The following TGIF1 variants were observed in gnomAD, a reference collection of about 807,000 sequenced individuals.
The protein encoded by TGIF1 is TGFB induced factor homeobox 1.
TGIF1 carries 4 observed loss-of-function variants against 19.3 expected under a neutral mutation model. That is an observed-to-expected ratio of 0.21 (90% CI 0.10 to 0.47). The LOEUF is 0.47. Ranked by LOEUF, TGIF1 falls within the 20% of genes least tolerant of loss-of-function variation. The probability of loss-of-function intolerance (pLI) is 0.98; values close to 1 mark genes in which losing one functional copy is unlikely to be tolerated. For synonymous variants in TGIF1, 122 were observed against 129.3 expected, an observed-to-expected ratio of 0.94 and a Z score of 0.38; for missense variants, 275 against 341.4, an observed-to-expected ratio of 0.81 and a Z score of 1.53.
intron 1 of TGIF1, among the ~76,000 whole-genome samples, chr18:3,450,909 G>T (rs2082898272): frequency 1.3e-5 from 2 of 152,102 alleles, no homozygotes; most frequent in Admixed American, 1.3e-4. Context: ...TCCGGACCCA[G>T]GCGGCCGGGG....
intron 1 of TGIF1, among the ~76,000 whole-genome samples, chr18:3,417,724 A>C: frequency 6.6e-6 from 1 of 152,236 alleles, no homozygotes; most frequent in East Asian, 1.9e-4. Context: ...GGAATTATTA[A>C]GAAATATGTT....
intron 2 of TGIF1, among the ~76,000 whole-genome samples, chr18:3,444,286 C>CT (rs57205118): frequency 0.48 from 58,195 of 121,830 alleles, 13,328 homozygotes; most frequent in Admixed American, 0.62. Context: ...ACTTTCTTTT[C>CT]TTTTTTTTTT....
chr18:3,450,061 C>T (rs1598892510), upstream of TGIF1: 1 of 1,014,776 alleles, frequency 9.9e-7, no homozygotes. Flanking sequence ...CCAGTCTTCC[C>T]GGCTGGAAGG....
chr18:3,420,735 A>G (rs2082389087), intron 2 of TGIF1, among the ~76,000 whole-genome samples: 1 of 152,240 alleles, frequency 6.6e-6, no homozygotes, highest in African/African-American at 2.4e-5. Context: ...ATCTCCTGCA[A>G]TATCTTGGAA....
intron 1 of TGIF1, among the ~76,000 whole-genome samples, chr18:3,414,259 A>G (rs1448426012): frequency 2.0e-5 from 3 of 152,226 alleles, no homozygotes; most frequent in Non-Finnish European, 1.5e-5. Flanking sequence ...GGATATGAGT[A>G]TATGATGCTG....
intron 2 of TGIF1, among the ~76,000 whole-genome samples, chr18:3,436,947 A>C (rs1403891369): frequency 1.3e-5 from 2 of 151,518 alleles, no homozygotes; most frequent in Admixed American, 1.3e-4. Context: ...TCTACTAAAA[A>C]TACAAAAATT....
In TGIF1 at chr18:3,422,125, C is replaced by T. The variant is rs944765779; in HGVS notation, c.-45+3910C>T. ...AGGAGAATCGCTTGAACCTGGGAGG[C>T]GGAGATTGCAGTGAGCAGAGATGGC... On this transcript the variant is annotated intron_variant, in intron 2 of 3. Transcript: ENST00000401449. Among the ~76,000 whole-genome samples, 6 of 145,512 alleles carry T rather than the reference C, an allele frequency of 4.1e-5. No individual in the cohort carries two copies. In the South Asian group the frequency reaches 1.3e-3, roughly 33 times the overall value.
chr18:3,451,350 G>A lies in TGIF1; in HGVS notation c.16+845G>A. 3 of 985,238 alleles carry A rather than the reference G, an allele frequency of 3.0e-6. No individual in the cohort carries two copies. The highest frequency in any genetic ancestry group is 3.6e-6 in the Non-Finnish European group (3 of 829,892). The allele number at this position is 985,238 out of a possible 1,614,324, so 61.0% of individuals were successfully genotyped here. A position where few individuals can be genotyped will look rare whatever the true frequency, so the allele number is the denominator to read the frequency against. On this transcript the variant is annotated intron_variant, in intron 1 of 2. Coordinates refer to ENST00000343820, the MANE Select transcript of TGIF1 (RefSeq NM_003244.4). This position sits in a 1 kb window ranked among gnomAD's most constrained non-coding sequence, Gnocchi z 5.4. The stretch of plus-strand genomic sequence containing the variant: ...TTAAAAACAAAATACACCGGAGGGG[G>A]ACGGGGGGTGGAGAAACCACACAAA...
rs1395095669 is a variant in TGIF1, at chr18:3,451,124, A to G, written c.16+619A>G. Among the ~76,000 whole-genome samples, 1 of 151,302 alleles carries G rather than the reference A, an allele frequency of 6.6e-6. No homozygotes were observed. Among genetic ancestry groups the G allele is most frequent in the Non-Finnish European group, 1.5e-5 (1 of 67,710 alleles). On this transcript the variant is annotated intron_variant, in intron 1 of 2. Coordinates refer to ENST00000343820, the MANE Select transcript of TGIF1 (RefSeq NM_003244.4). This position sits in a 1 kb window ranked among gnomAD's most constrained non-coding sequence, Gnocchi z 5.4. ...GAAAGCTAGACTTTTACAAATCCCCAGTCTCTAAAAGTTTTCCCACGATGA... is the reference window on the plus strand; with the variant it reads ...GAAAGCTAGACTTTTACAAATCCCCGGTCTCTAAAAGTTTTCCCACGATGA...
chr18:3,435,673 T>C (rs1174958657), intron 2 of TGIF1, among the ~76,000 whole-genome samples: 1 of 152,214 alleles, frequency 6.6e-6, no homozygotes, highest in Non-Finnish European at 1.5e-5. Flanking sequence ...TTGCTATTCC[T>C]TCTGTAGCTG....
intron 2 of TGIF1, among the ~76,000 whole-genome samples, chr18:3,438,199 G>T (rs149697535): frequency 6.6e-6 from 1 of 152,086 alleles, no homozygotes; most frequent in Non-Finnish European, 1.5e-5. Flanking sequence ...AGTTGAAAGC[G>T]CAGTGAACCT....
intron 1 of TGIF1, chr18:3,455,091 C>T (rs1396254427): frequency 6.6e-6 from 1 of 151,848 alleles, no homozygotes; most frequent in African/African-American, 2.4e-5. Flanking sequence ...AAATGCTTAC[C>T]TTTACATTTT....
chr18:3,457,719 A>G lies in TGIF1; in HGVS notation c.598A>G (p.Ile200Val). The G allele has an allele frequency of 6.2e-7, 1 of 1,614,250 alleles. No individual in the cohort carries two copies. The highest frequency in any genetic ancestry group is 8.5e-7 in the Non-Finnish European group (1 of 1,180,038). The change falls in exon 3 of 3, where the codon ATA (isoleucine) becomes GTA (valine). Residue 200 changes from isoleucine (I) to valine (V), a missense_variant. By Grantham distance (29) the Ile-to-Val change is conservative. Coordinates refer to ENST00000343820, the MANE Select transcript of TGIF1 (RefSeq NM_003244.4). The surrounding 1 kb of genome is among the most constrained non-coding windows in gnomAD (Gnocchi z 4.9). ...GGTCGGTGTGGGACAAAACACAGAT[A>G]TACAGCAGATAGCGGCCAAAAACTT... ...QSVGVGQNTD[I>V]QQIAAKNFTD...
In TGIF1 at chr18:3,457,762, T is replaced by G. The variant is rs756542823; in HGVS notation, c.641T>G (p.Met214Arg). 3.1e-6 allele frequency: 5 copies of G among 1,614,170 alleles called. No individual in the cohort carries two copies. In the South Asian group the frequency reaches 5.5e-5, roughly 18 times the overall value. The stretch of plus-strand genomic sequence containing the variant: ...AAAAACTTCACAGACACCTCTCTCA[T>G]GTACCCAGAGGACACTTGTAAATCT... Reference protein sequence around the residue: ...AAKNFTDTSLMYPEDTCKSGP... With the variant: ...AAKNFTDTSLRYPEDTCKSGP... Residue 214 changes from methionine to arginine, a missense_variant, in exon 3 of 3, where the codon ATG (methionine) becomes AGG (arginine). Coordinates refer to ENST00000343820, the MANE Select transcript of TGIF1 (RefSeq NM_003244.4). This position sits in a 1 kb window ranked among gnomAD's most constrained non-coding sequence, Gnocchi z 4.9.
chr18:3,434,753 C>T (rs1193161592), intron 2 of TGIF1, among the ~76,000 whole-genome samples: 1 of 152,062 alleles, frequency 6.6e-6, no homozygotes, highest in Non-Finnish European at 1.5e-5. Context: ...TATGAGCAGG[C>T]TCAGGAGGTA....
At chr18:3,448,827 G>A (rs2082808537), upstream of TGIF1, among the ~76,000 whole-genome samples, 1 of 150,450 alleles carries the variant, frequency 6.6e-6, no homozygotes, top group South Asian at 2.1e-4. Context: ...TACTCCTCGG[G>A]TTTAATCTTA....
intron 1 of TGIF1, chr18:3,452,081 C>T: frequency 1.9e-6 from 3 of 1,614,036 alleles, no homozygotes; most frequent in Non-Finnish European, 2.5e-6. Context: ...CCGCCTCCCA[C>T]CCCGGGAATC....
At chr18:3,414,780 G>T (rs1598848502) in intron 1 of TGIF1, among the ~76,000 whole-genome samples, 1 of 152,072 alleles carries the variant, frequency 6.6e-6, no homozygotes. Flanking sequence ...GCATGGTGGT[G>T]CACAGCTGTA....
chr18:3,435,278 C>T lies in TGIF1; in HGVS notation c.-45+17063C>T, dbSNP rs745616170. Among the ~76,000 whole-genome samples, 9 of 150,914 alleles carry T rather than the reference C, an allele frequency of 6.0e-5. 1 individual carries two copies. The highest frequency in any genetic ancestry group is 1.2e-4 in the Non-Finnish European group (8 of 67,644). On this transcript the variant is annotated intron_variant, in intron 2 of 3. Coordinates refer to the TGIF1 transcript ENST00000401449. The stretch of plus-strand genomic sequence containing the variant: ...TGTGATCTCGGCTCACTGCAACCTC[C>T]GCCTCCCAGGTTCAAGCGATTCTCC...
Sources: gnomAD v4.1 joint callset for allele counts (sites outside exome capture counted in the v4.1 genomes callset) on GRCh38, gnomAD v4.1.1 for gene constraint, Gnocchi (gnomAD v3.1) non-coding constraint, MANE v1.5 for transcripts, NCBI Gene and HGNC (gene_info 2026-07-23, HGNC 2026-07-21) for gene names.